Variants in SEL1L2 observed in about 807,000 individuals in gnomAD.
SEL1L2 encodes SEL1L2 adaptor subunit of SYVN1 ubiquitin ligase.
Under a neutral mutation model 98.8 loss-of-function variants are expected in SEL1L2, and 89 were observed. That is an observed-to-expected ratio of 0.90 (90% CI 0.76 to 1.07). SEL1L2 has a LOEUF of 1.07. SEL1L2 is among the 50% of genes least tolerant of loss of function. SEL1L2 has a pLI of 0.00. For missense variants in SEL1L2, 788 were observed against 812.0 expected (o/e 0.97, Z 0.36); for synonymous variants, 262 against 278.5 (o/e 0.94, Z 0.59).
intron 4 of SEL1L2, among the ~76,000 whole-genome samples, chr20:13,916,474 A>G (rs189542005): frequency 8.1e-4 from 124 of 152,244 alleles, no homozygotes; most frequent in Non-Finnish European, 1.3e-3. Flanking sequence ...TCTTTCTATG[A>G]GCCCATTAGA....
At chr20:13,966,995 C>T (rs939429135) in intron 1 of SEL1L2, among the ~76,000 whole-genome samples, 7 of 148,898 alleles carry the variant, frequency 4.7e-5, no homozygotes, top group Admixed American at 1.4e-4. Flanking sequence ...GATTCTTCTA[C>T]CTCAGCCTCC....
At chr20:13,880,396 A>G (rs1039175019) in intron 10 of SEL1L2, among the ~76,000 whole-genome samples, 1 of 152,232 alleles carries the variant, frequency 6.6e-6, no homozygotes, top group Non-Finnish European at 1.5e-5. Flanking sequence ...ACTCTGTCTC[A>G]TACACTGCTC....
intron 2 of SEL1L2, among the ~76,000 whole-genome samples, chr20:13,951,791 A>G (rs2050292187): frequency 6.6e-6 from 1 of 150,816 alleles, no homozygotes; most frequent in African/African-American, 2.4e-5. Context: ...TTCTAAACTC[A>G]TTAGTTGTTT....
intron 1 of SEL1L2, among the ~76,000 whole-genome samples, chr20:13,984,887 T>C (rs2052084325): frequency 6.6e-6 from 1 of 152,224 alleles, no homozygotes; most frequent in African/African-American, 2.4e-5. Context: ...CAATGTGTAG[T>C]GAACAAATCA....
chr20:13,891,268 C>A (rs1344429445), intron 5 of SEL1L2, among the ~76,000 whole-genome samples: 1 of 152,124 alleles, frequency 6.6e-6, no homozygotes, highest in African/African-American at 2.4e-5. Context: ...AAGAGAAAAG[C>A]CACTGGTCAC....
At chr20:13,929,593 C>A (rs368438502) in intron 3 of SEL1L2, among the ~76,000 whole-genome samples, 1 of 144,888 alleles carries the variant, frequency 6.9e-6, no homozygotes, top group Non-Finnish European at 1.5e-5. Context: ...CTCCGCCTCC[C>A]GGGTTCACGT....
At chr20:13,891,876 A>T (rs2047219579) in intron 5 of SEL1L2, among the ~76,000 whole-genome samples, 1 of 152,156 alleles carries the variant, frequency 6.6e-6, no homozygotes, top group Non-Finnish European at 1.5e-5. Flanking sequence ...CTAGAAAGCA[A>T]CACAAAAGCA....
chr20:13,853,468 C>T (rs547125189), intron 18 of SEL1L2, among the ~76,000 whole-genome samples: 1 of 152,202 alleles, frequency 6.6e-6, no homozygotes, highest in African/African-American at 2.4e-5. Flanking sequence ...CCCACCTTGG[C>T]CTCTCAAAGT....
intron 1 of SEL1L2, among the ~76,000 whole-genome samples, chr20:13,961,024 A>T (rs546588522): frequency 2.1e-3 from 314 of 152,342 alleles, no homozygotes; most frequent in Non-Finnish European, 3.1e-3. Flanking sequence ...ACTGTAATTT[A>T]TTATATGCTA....
chr20:13,994,140 T>C (rs1320117422), upstream of SEL1L2, among the ~76,000 whole-genome samples: 1 of 151,392 alleles, frequency 6.6e-6, no homozygotes, highest in Non-Finnish European at 1.5e-5. Context: ...ACTAAAAAAA[T>C]ACAAAATTAG....
chr20:13,936,449 A>G (rs2049457910), intron 2 of SEL1L2, among the ~76,000 whole-genome samples: 2 of 152,130 alleles, frequency 1.3e-5, no homozygotes, highest in Non-Finnish European at 2.9e-5. Flanking sequence ...AACTTCCCCA[A>G]TGACTCCTGT....
intron 10 of SEL1L2, among the ~76,000 whole-genome samples, chr20:13,883,636 A>G (rs888274336): frequency 1.3e-5 from 2 of 152,202 alleles, no homozygotes; most frequent in Admixed American, 6.5e-5. Flanking sequence ...CTGCTACACA[A>G]CAGCTCTGGG....
At position 13,888,458 on chromosome 20, in the gene SEL1L2, C is replaced by T; in HGVS notation, c.603+1G>A. 1.3e-6 allele frequency: 2 copies of T among 1,553,776 alleles called. No homozygotes were observed. The highest frequency in any genetic ancestry group is 2.3e-5 in the East Asian group (1 of 44,364). On this transcript the variant is annotated splice_donor_variant, in intron 6 of 19. Coordinates refer to ENST00000284951, the MANE Select transcript of SEL1L2 (RefSeq NM_025229.2). LOFTEE classifies it high-confidence loss of function. ...CCAGAATAAAACAGAATGATCTTTA[C>T]CTTAGCTTGATCATATTCCATTCCT...
chr20:13,974,942 G>GT (rs557036854), intron 1 of SEL1L2, among the ~76,000 whole-genome samples: 233 of 152,016 alleles, frequency 1.5e-3, no homozygotes, highest in Middle Eastern at 0.01. Flanking sequence ...ATGTTTTCTT[G>GT]TTTTTTTCTC....
Position 13,866,767 on chromosome 20 carries a change from A to C in SEL1L2, c.1339T>G (p.Tyr447Asp), listed in dbSNP as rs1991107753. 1 of 1,612,866 alleles carries C rather than the reference A, an allele frequency of 6.2e-7. No individual in the cohort carries two copies. The highest frequency in any genetic ancestry group is 1.3e-5 in the African/African-American group (1 of 74,862). Residue 447 changes from tyrosine to aspartate, a missense_variant, in exon 15 of 20, where the codon TAT becomes GAT. By Grantham distance (160) the Tyr-to-Asp change is radical (BLOSUM62 -3). Transcript: ENST00000284951. ...GTTGCATACATCTTGGCCAGATAAT[A>C]AATGGCAAGGGGCTGCCCACTCTGA... ...ASQSGQPLAIYYLAKMYATGT... is the reference protein window; with the variant it reads ...ASQSGQPLAIDYLAKMYATGT...
In SEL1L2 at chr20:13,869,692, A is replaced by G. The variant is rs2046093433; in HGVS notation, c.1168-102T>C. ...AAGAGTATAGACAGTGCCCTATGTG[A>G]TTTAGGGTAATTAAAATAGTATCAG... On this transcript the variant is annotated intron_variant, in intron 13 of 19. Coordinates refer to ENST00000284951, the MANE Select transcript of SEL1L2 (RefSeq NM_025229.2). The G allele has an allele frequency of 4.0e-6, 3 of 741,792 alleles. No individual in the cohort carries two copies. In the South Asian group the frequency reaches 5.1e-5, roughly 13 times the overall value. The allele number at this position is 741,792 out of a possible 1,614,324, so 46.0% of individuals were successfully genotyped here. A position where few individuals can be genotyped will look rare whatever the true frequency, so the allele number is the denominator to read the frequency against.
At chr20:13,861,816 G>T (rs1322983769) in intron 17 of SEL1L2, among the ~76,000 whole-genome samples, 4 of 152,020 alleles carry the variant, frequency 2.6e-5, no homozygotes, top group Non-Finnish European at 5.9e-5. Flanking sequence ...ATTCCTCAAG[G>T]CCCTCTACCT....
intron 15 of SEL1L2, 82 bp from the exon 16 acceptor site, chr20:13,865,596 A>G: frequency 1.7e-6 from 2 of 1,196,364 alleles, no homozygotes; most frequent in Non-Finnish European, 2.4e-6. Context: ...ATCAGTCTTC[A>G]GCTCCTACCA....
intron 1 of SEL1L2, among the ~76,000 whole-genome samples, chr20:13,983,046 A>AAAAAAAAAAAAAAAAAAAAC (rs2051933722): frequency 2.1e-5 from 3 of 145,524 alleles, no homozygotes; most frequent in Admixed American, 6.9e-5. Flanking sequence ...AAAAAAAAAA[A>AAAAAAAAAAAAAAAAAAAAC]AAGCAGCAGC....
Sources: allele counts gnomAD v4.1 joint callset (sites outside exome capture counted in the v4.1 genomes callset), GRCh38; gene constraint gnomAD v4.1.1; transcripts MANE v1.5; gene names NCBI Gene and HGNC (gene_info 2026-07-23, HGNC 2026-07-21).